DAPK1: variants seen among roughly 807,000 people sequenced by gnomAD.
DAPK1 encodes the protein death-associated protein kinase 1.
DAPK1 carries 56 observed loss-of-function variants against 144.9 expected under a neutral mutation model. That is an observed-to-expected ratio of 0.39 (90% CI 0.31 to 0.48). DAPK1 has a LOEUF of 0.48. Among genes scored for constraint, DAPK1 ranks in the 20% least tolerant of loss-of-function variants. The probability of loss-of-function intolerance (pLI) is 0.95; values close to 1 mark genes in which losing one functional copy is unlikely to be tolerated. For synonymous variants in DAPK1, 690 were observed against 749.0 expected, an observed-to-expected ratio of 0.92 and a Z score of 1.29; for missense variants, 1,454 against 1,875.4, an observed-to-expected ratio of 0.78 and a Z score of 4.15.
chr9:87,577,613 C>A (rs908683840), intron 2 of DAPK1, among the ~76,000 whole-genome samples: 2 of 152,150 alleles, frequency 1.3e-5, no homozygotes, highest in African/African-American at 4.8e-5. Context: ...TCCTGGCCAA[C>A]ATGGTGAAAC....
intron 3 of DAPK1, chr9:87,633,265 A>T: frequency 1.0e-6 from 1 of 984,226 alleles, no homozygotes; most frequent in Non-Finnish European, 1.2e-6. Flanking sequence ...AAATGAAGGA[A>T]ATGTAGGGAT....
chr9:87,634,362 A>G (rs1350269323), intron 3 of DAPK1, among the ~76,000 whole-genome samples: 3 of 152,124 alleles, frequency 2.0e-5, no homozygotes, highest in South Asian at 2.1e-4. Context: ...TCCTTGCTCG[A>G]GGCTCCTTGG....
At chr9:87,660,372 G>A (rs1481362804) in intron 18 of DAPK1, among the ~76,000 whole-genome samples, 1 of 152,066 alleles carries the variant, frequency 6.6e-6, no homozygotes, top group African/African-American at 2.4e-5. Flanking sequence ...CTCGGTTTAA[G>A]TTTCCTAGCA....
At chr9:87,616,314 G>A (rs1307939561) in intron 3 of DAPK1, among the ~76,000 whole-genome samples, 2 of 152,176 alleles carry the variant, frequency 1.3e-5, no homozygotes, top group Non-Finnish European at 2.9e-5. Context: ...GCAAGACTAC[G>A]TCCTACTCTG....
chr9:87,605,270 A>G (rs1333297282), intron 3 of DAPK1, 95 bp downstream of exon 3: 2 of 1,004,770 alleles, frequency 2.0e-6, no homozygotes, highest in East Asian at 4.9e-5. Context: ...AGCCCGAGAG[A>G]GGGATCAGGA....
chr9:87,705,244 T>A (rs1248089676), intron 25 of DAPK1, among the ~76,000 whole-genome samples: 3 of 134,594 alleles, frequency 2.2e-5, no homozygotes, highest in Admixed American at 1.5e-4. Context: ...TAATTAATTT[T>A]TTTTTTTTTT....
chr9:87,646,709 C>T (rs892390385), intron 13 of DAPK1, 150 bp downstream of exon 13: 1 of 616,642 alleles, frequency 1.6e-6, no homozygotes, highest in Non-Finnish European at 2.8e-6. Context: ...CAGCTTGGTA[C>T]AGCCTGACAC....
At chr9:87,541,324 G>T (rs1423702414) in intron 2 of DAPK1, among the ~76,000 whole-genome samples, 1 of 152,176 alleles carries the variant, frequency 6.6e-6, no homozygotes, top group Non-Finnish European at 1.5e-5. Flanking sequence ...AAGGCGGGCA[G>T]ATCCCTTGAG....
At chr9:87,701,929 C>T (rs1367611074) in intron 24 of DAPK1, 1 of 464,020 alleles carries the variant, frequency 2.2e-6, no homozygotes, top group Non-Finnish European at 4.5e-6. Context: ...TGGGAGGAAT[C>T]TGTCACAGAA....
chr9:87,639,314 C>CTTTTTATTT (rs1174921177), intron 4 of DAPK1, 40 bp from the exon 5 acceptor site: 9 of 1,495,508 alleles, frequency 6.0e-6, no homozygotes, highest in Middle Eastern at 4.1e-4. Context: ...CTCAGCATAA[C>CTTTTTATTT]ATATCATAGC....
In DAPK1 at chr9:87,639,807, C is replaced by G. The variant is rs779898297; in HGVS notation, c.621C>G (p.Thr207=). The G allele has an allele frequency of 9.3e-6, 15 of 1,613,186 alleles. No homozygotes were observed. The East Asian group carries it at 3.1e-4, about 34-fold the overall frequency. ...EADMWSIGVI[T]YILLSGASPF... is the part of the protein sequence containing the mutation. ...TTTTTAGGAGTATCGGGGTAATAAC[C>G]TATATCCTGTAAGTATCAGAATTCA... The change falls in exon 7 of 26, where the codon ACC becomes ACG. Residue 207 remains threonine, a synonymous_variant. Transcript: ENST00000408954.
rs550616308 is a variant in DAPK1, at chr9:87,642,739, C to T, written c.919-637C>T. On this transcript the variant is annotated intron_variant, in intron 10 of 25. Transcript: ENST00000408954. The stretch of plus-strand genomic sequence containing the variant: ...TTCACACCTACCAATTTTGGGGTGC[C>T]GTGGTAGGGATGAGGAAGACCACAG... Among the ~76,000 whole-genome samples, 14 of 152,194 alleles carry T rather than the reference C, an allele frequency of 9.2e-5. No homozygotes were observed. In the South Asian group the frequency reaches 1.7e-3, roughly 18 times the overall value.
In DAPK1 at chr9:87,681,440, C is replaced by T; in HGVS notation, c.2038C>T (p.Pro680Ser). ...AGGACTCTTCATCCAGCAGCTCCGA[C>T]CCACACAGAACCTGCAGCCAAGAAT... ...HRGLFIQQLR[P>S]TQNLQPRIKL... Residue 680 changes from proline (P) to serine (S), a missense_variant, in exon 20 of 26, where the codon CCC becomes TCC. Pro to Ser is a moderately conservative substitution (Grantham distance 74). Transcript: ENST00000408954. 1.9e-6 allele frequency: 3 copies of T among 1,613,068 alleles called. No individual in the cohort carries two copies. The South Asian group carries it at 3.3e-5, about 18-fold the overall frequency.
intron 2 of DAPK1, among the ~76,000 whole-genome samples, chr9:87,536,166 C>A (rs1825855434): frequency 6.6e-6 from 1 of 152,128 alleles, no homozygotes. Flanking sequence ...TCAAAGCAGC[C>A]CCTTCCCTAA....
chr9:87,670,994 C>T (rs36216778), intron 19 of DAPK1, among the ~76,000 whole-genome samples: 2 of 152,226 alleles, frequency 1.3e-5, no homozygotes, highest in South Asian at 2.1e-4. Context: ...ACTGTTTGGA[C>T]GAGTCTGAAA....
Position 87,571,484 on chromosome 9 carries a change from CA to C in DAPK1, c.63-33469del, listed in dbSNP as rs1827345959. On this transcript the variant is annotated intron_variant, in intron 2 of 25. Coordinates refer to ENST00000408954, the MANE Select transcript of DAPK1 (RefSeq NM_004938.4). Reference sequence around the variant, plus strand: ...ACACACACACACACACCAACACACACACACACACACCCCAACACACACACAC... The same window carrying C: ...ACACACACACACACACCAACACACACCACACACACCCCAACACACACACAC... Among the ~76,000 whole-genome samples the C allele has an allele frequency of 3.4e-5, 2 of 58,644 alleles. 1 individual carries two copies. The highest frequency in any genetic ancestry group is 1.8e-4 in the African/African-American group (2 of 11,256). The allele number at this position is 58,644 out of a possible 152,430, so 38.5% of individuals were successfully genotyped here.
chr9:87,577,285 G>A (rs1012356247), intron 2 of DAPK1, among the ~76,000 whole-genome samples: 3 of 152,154 alleles, frequency 2.0e-5, no homozygotes, highest in African/African-American at 7.2e-5. Context: ...TTGGAAACTC[G>A]GGGTGGGGCC....
intron 9 of DAPK1, 149 bp from the exon 10 acceptor site, chr9:87,641,820 A>G: frequency 1.6e-6 from 1 of 618,412 alleles, no homozygotes; most frequent in Non-Finnish European, 2.8e-6. Flanking sequence ...CTAGGTGCCT[A>G]GGTATTCCAT....
chr9:87,531,856 T>C (rs1825709532), intron 2 of DAPK1, among the ~76,000 whole-genome samples: 1 of 152,084 alleles, frequency 6.6e-6, no homozygotes, highest in Admixed American at 6.5e-5. Flanking sequence ...TTCAGAGAAA[T>C]CCCCAGGGGC....
Sources: allele counts gnomAD v4.1 joint callset (sites outside exome capture counted in the v4.1 genomes callset), GRCh38; gene constraint gnomAD v4.1.1; transcripts MANE v1.5; gene names NCBI Gene and HGNC (gene_info 2026-07-23, HGNC 2026-07-21).